Variants in OPRM1 observed in about 807,000 individuals in gnomAD.
The protein encoded by OPRM1 is opioid receptor mu 1, also known as mu-type opioid receptor.
Under a neutral mutation model 31.8 loss-of-function variants are expected in OPRM1, and 27 were observed. That is an observed-to-expected ratio of 0.85 (90% CI 0.63 to 1.17). OPRM1 has a LOEUF of 1.17. OPRM1 is among the 50% of genes most tolerant of loss of function. The probability of loss-of-function intolerance (pLI) is 0.00; values close to 1 mark genes in which losing one functional copy is unlikely to be tolerated. For missense variants in OPRM1, 536 were observed against 511.1 expected (o/e 1.05, Z -0.47); for synonymous variants, 196 against 189.9 (o/e 1.03, Z -0.26).
chr6:154,039,572 G>A lies in OPRM1; in HGVS notation c.28G>A (p.Ala10Thr), dbSNP rs1425495037. MDSSAAPTN[A>T]SNCTDALAYS... ...GGACAGCAGCGCTGCCCCCACGAAC[G>A]CCAGCAATTGCACTGATGCCTTGGC... The change falls in exon 1 of 4, where the codon GCC becomes ACC. Residue 10 changes from alanine (A) to threonine (T), a missense_variant. Transcript: ENST00000330432. The A allele has an allele frequency of 6.8e-6, 11 of 1,613,040 alleles. No homozygotes were observed. The highest frequency in any genetic ancestry group is 9.3e-6 in the Non-Finnish European group (11 of 1,179,668).
chr6:154,178,383 A>T (rs543375948), intron 3 of OPRM1, among the ~76,000 whole-genome samples: 66 of 152,334 alleles, frequency 4.3e-4, no homozygotes, highest in African/African-American at 1.6e-3. Context: ...ATAACATGGC[A>T]TATAATATAT....
intron 1 of OPRM1, among the ~76,000 whole-genome samples, chr6:154,061,610 G>A (rs867519762): frequency 2.0e-5 from 3 of 152,084 alleles, no homozygotes; most frequent in Non-Finnish European, 4.4e-5. Flanking sequence ...ATAAGTGAGA[G>A]CTAAACATTG....
intron 1 of OPRM1, among the ~76,000 whole-genome samples, chr6:154,081,157 G>C (rs953016839): frequency 2.0e-5 from 3 of 152,216 alleles, no homozygotes; most frequent in African/African-American, 7.2e-5. Context: ...GAACAGAGAG[G>C]TTGTGAGTCA....
At chr6:154,083,943 CAAAAA>C (rs57976654) in intron 1 of OPRM1, among the ~76,000 whole-genome samples, 8 of 35,164 alleles carry the variant, frequency 2.3e-4, no homozygotes, top group East Asian at 6.9e-4. Context: ...GACTCCGTCT[CAAAAA>C]AAAAAAAAAA....
chr6:154,230,101 G>T (rs1779606243), intron 3 of OPRM1, among the ~76,000 whole-genome samples: 1 of 152,120 alleles, frequency 6.6e-6, no homozygotes, highest in South Asian at 2.1e-4. Context: ...GATCTTATTG[G>T]TACAATACCA....
intron 3 of OPRM1, among the ~76,000 whole-genome samples, chr6:154,174,938 C>T (rs1450718846): frequency 1.3e-5 from 2 of 152,150 alleles, no homozygotes; most frequent in African/African-American, 4.8e-5. Context: ...CACTCCTCAG[C>T]AAATGTAAAA....
At chr6:154,182,142 T>C (rs1268865657) in intron 3 of OPRM1, among the ~76,000 whole-genome samples, 1 of 152,212 alleles carries the variant, frequency 6.6e-6, no homozygotes, top group Non-Finnish European at 1.5e-5. Context: ...AACACCCAAG[T>C]ATAAAGCTAA....
Position 154,093,645 on chromosome 6 carries a change from G to T in OPRM1, c.1164+2173G>T, listed in dbSNP as rs1241610020. The T allele has an allele frequency of 5.9e-6, 6 of 1,017,202 alleles. No individual in the cohort carries two copies. The East Asian group carries it at 1.8e-4, about 30-fold the overall frequency. 63.0% of individuals were successfully genotyped at this position (1,017,202 alleles called of 1,614,324 possible). On this transcript the variant is annotated intron_variant, in intron 3 of 3. Transcript: ENST00000330432. ...TCTTCATCGCTGCCTCTATGAAGCA[G>T]TATCAGTGTAAGATAACAGCAGAAA...
chr6:154,158,149 A>G (rs1798788788), intron 3 of OPRM1: 2 of 152,226 alleles, frequency 1.3e-5, no homozygotes, highest in Admixed American at 6.5e-5. Flanking sequence ...GGAACTATTC[A>G]ACAACTATTT....
intron 3 of OPRM1, among the ~76,000 whole-genome samples, chr6:154,242,092 G>T (rs1780645326): frequency 6.6e-6 from 1 of 152,180 alleles, no homozygotes; most frequent in South Asian, 2.1e-4. Flanking sequence ...GCTATTATGA[G>T]AATTCAATAT....
intron 3 of OPRM1, among the ~76,000 whole-genome samples, chr6:154,210,971 C>T (rs1297202744): frequency 1.3e-5 from 2 of 152,072 alleles, no homozygotes; most frequent in African/African-American, 4.8e-5. Context: ...TACCTTAAAT[C>T]CAGGAACTTG....
At chr6:154,204,959 T>C (rs1777370157) in intron 3 of OPRM1, among the ~76,000 whole-genome samples, 1 of 152,186 alleles carries the variant, frequency 6.6e-6, no homozygotes, top group African/African-American at 2.4e-5. Context: ...TTCTGTCCCA[T>C]CACCACATCT....
At chr6:154,228,181 G>A (rs567474981) in intron 3 of OPRM1, among the ~76,000 whole-genome samples, 18 of 151,842 alleles carry the variant, frequency 1.2e-4, no homozygotes, top group African/African-American at 4.1e-4. Context: ...GTTTCCTGCA[G>A]GCAGCCAAGC....
At chr6:154,148,270 G>A (rs904238547) in intron 3 of OPRM1, among the ~76,000 whole-genome samples, 2 of 152,210 alleles carry the variant, frequency 1.3e-5, no homozygotes, top group African/African-American at 4.8e-5. Context: ...GTCTTTCATA[G>A]CCAGGATGAA....
intron 1 of OPRM1, among the ~76,000 whole-genome samples, chr6:154,060,508 C>G (rs974952577): frequency 5.3e-5 from 8 of 152,212 alleles, no homozygotes; most frequent in African/African-American, 1.4e-4. Flanking sequence ...CCATAGACTA[C>G]TCCAGTCCAT....
intron 3 of OPRM1, among the ~76,000 whole-genome samples, chr6:154,153,609 C>G (rs1224967149): frequency 1.3e-5 from 2 of 149,264 alleles, no homozygotes; most frequent in Non-Finnish European, 3.0e-5. Context: ...CACTTGAACC[C>G]GGGAGGCGGA....
At chr6:154,194,798 A>G (rs184461954) in intron 3 of OPRM1, among the ~76,000 whole-genome samples, 1 of 152,324 alleles carries the variant, frequency 6.6e-6, no homozygotes, top group Admixed American at 6.5e-5. Context: ...AGAGATCTTT[A>G]GCCACCTGAC....
chr6:154,016,405 C>G lies in OPRM1; in HGVS notation c.-1+5387C>G, dbSNP rs114317975. ...GAGATAAAATTGTGTAGTGTGACAA[C>G]AATTACCTAAGGATAGAAGAGAATA... On this transcript the variant is annotated intron_variant, in intron 1 of 5. Transcript: ENST00000434900. Among the ~76,000 whole-genome samples the G allele has an allele frequency of 4.8e-3, 725 of 152,044 alleles. 2 individuals are homozygous for G. The highest frequency in any genetic ancestry group is 0.016 in the African/African-American group (646 of 41,486).
At chr6:154,089,226 C>T (rs1202680629) in intron 1 of OPRM1, among the ~76,000 whole-genome samples, 2 of 151,980 alleles carry the variant, frequency 1.3e-5, no homozygotes, top group South Asian at 2.1e-4. Context: ...GCTGCCCCTA[C>T]TATTTGACTG....
Sources: allele counts gnomAD v4.1 joint callset (sites outside exome capture counted in the v4.1 genomes callset), GRCh38; gene constraint gnomAD v4.1.1; transcripts MANE v1.5; gene names NCBI Gene and HGNC (gene_info 2026-07-23, HGNC 2026-07-21).